The following STAB2 variants were observed in gnomAD, a reference collection of about 807,000 sequenced individuals.
STAB2 encodes stabilin-2.
In STAB2, 288 loss-of-function variants were observed where a neutral mutation model predicts 338.1. The ratio of observed to expected loss-of-function variants is 0.85; its 90% CI spans 0.77 to 0.94. The LOEUF is 0.94. Ranked by LOEUF, STAB2 falls within the 40% of genes least tolerant of loss-of-function variation. The pLI is 0.00. For missense variants in STAB2, 3,141 were observed against 3,210.1 expected (o/e 0.98, Z 0.52); for synonymous variants, 1,202 against 1,193.3 (o/e 1.01, Z -0.15).
chr12:103,600,642 G>A (rs1469614686), intron 3 of STAB2, among the ~76,000 whole-genome samples: 1 of 152,220 alleles, frequency 6.6e-6, no homozygotes, highest in Non-Finnish European at 1.5e-5. Context: ...ATAACAATAA[G>A]TATTCACCTT....
intron 3 of STAB2, among the ~76,000 whole-genome samples, chr12:103,608,375 C>A (rs962932996): frequency 2.0e-5 from 3 of 152,156 alleles, no homozygotes; most frequent in African/African-American, 7.2e-5. Context: ...ATCTCCTGAC[C>A]TCGTGATCCG....
rs748607106 is a variant in STAB2 at position 103,699,183 on chromosome 12, C to T, written c.3670C>T (p.Leu1224=). ...LHNGMHRETM[L]GFSYFLSFFL... ...CAATGGCATGCATCGTGAGACCATG[C>T]TGGGTTTCTCCTATTTCCTTAGCTT... Residue 1224 remains leucine (L), a synonymous_variant, in exon 34 of 69, where the codon CTG becomes TTG. Transcript: ENST00000388887. The T allele has an allele frequency of 2.5e-6, 4 of 1,613,394 alleles. No individual in the cohort carries two copies. The highest frequency in any genetic ancestry group is 1.7e-5 in the Admixed American group (1 of 60,008).
Position 103,653,298 on chromosome 12 carries a change from G to A in STAB2, c.1407+593G>A, listed in dbSNP as rs77375745. Among the ~76,000 whole-genome samples, 1,015 of 152,122 alleles carry A rather than the reference G, an allele frequency of 6.7e-3. 10 individuals are homozygous for A. Among genetic ancestry groups the A allele is most frequent in the African/African-American group, 0.023 (962 of 41,482 alleles). On this transcript the variant is annotated intron_variant, in intron 12 of 68. Coordinates refer to ENST00000388887, the MANE Select transcript of STAB2 (RefSeq NM_017564.10). ...ATACTATTACATTTTACTGAACATC[G>A]ATAGTTAATAGATCCTTGAGTGCTT...
At position 103,762,548 on chromosome 12, in the gene STAB2, C is replaced by T. The variant is rs373377043; in HGVS notation, c.7488+146C>T. 38 of 1,216,108 alleles carry T rather than the reference C, an allele frequency of 3.1e-5. No homozygotes were observed. The African/African-American group carries it at 3.6e-4, about 12-fold the overall frequency. 75.3% of individuals were successfully genotyped at this position (1,216,108 alleles called of 1,614,324 possible). A position where few individuals can be genotyped will look rare whatever the true frequency, so the allele number is the denominator to read the frequency against. On this transcript the variant is annotated intron_variant, in intron 67 of 68. Coordinates refer to ENST00000388887, the MANE Select transcript of STAB2 (RefSeq NM_017564.10). ...GTAGCAGGGGCGGCCACCCACCCCA[C>T]GCTTACTGCTGCTTGGATGGGGTCC... is the stretch of plus-strand genomic sequence containing the variant.
At chr12:103,703,011 T>A in intron 34 of STAB2, 137 bp from the exon 35 acceptor site, 2 of 1,039,010 alleles carry the variant, frequency 1.9e-6, no homozygotes, top group South Asian at 3.8e-5. Flanking sequence ...CTCTTTCCAA[T>A]ACAAGTGACT....
rs1197697199 is a variant in STAB2 at position 103,660,498 on chromosome 12, A to G, written c.1788+114A>G. 5.1e-6 allele frequency: 7 copies of G among 1,382,488 alleles called. No homozygotes were observed. In the African/African-American group the frequency reaches 1.0e-4, roughly 20 times the overall value. 85.6% of individuals were successfully genotyped at this position (1,382,488 alleles called of 1,614,324 possible). On this transcript the variant is annotated intron_variant, in intron 16 of 68. Transcript: ENST00000388887. ...TGTCCTTTATCTGTAGCTCTGAATA[A>G]ACCCTCAGCCATGAACAATGAGTCC...
intron 22 of STAB2, among the ~76,000 whole-genome samples, chr12:103,671,154 T>C (rs963749905): frequency 2.0e-5 from 3 of 152,146 alleles, no homozygotes; most frequent in African/African-American, 7.2e-5. Context: ...GGGCTCTATA[T>C]CAGGAAACAG....
At chr12:103,669,212 C>T (rs1875477449) in intron 20 of STAB2, 2 of 309,102 alleles carry the variant, frequency 6.5e-6, no homozygotes, top group East Asian at 6.7e-5. Context: ...CAGCACTCAC[C>T]GTTCTCTGAA....
chr12:103,638,111 C>A lies in STAB2; in HGVS notation c.805C>A (p.Arg269Ser). Residue 269 changes from arginine to serine, a missense_variant, in exon 8 of 69, where the codon CGT becomes AGT. By Grantham distance (110) the Arg-to-Ser change is moderately radical. Transcript: ENST00000388887. ...RHSCTCQEGY[R>S]GDGQVCLPVD... ...CAGTTGTACATGCCAAGAAGGCTACCGTGGGGATGGCCAAGTGTGCTTGCC... is the reference window on the plus strand; with the variant it reads ...CAGTTGTACATGCCAAGAAGGCTACAGTGGGGATGGCCAAGTGTGCTTGCC... 1 of 1,614,180 alleles carries A rather than the reference C, an allele frequency of 6.2e-7. No homozygotes were observed. Among genetic ancestry groups the A allele is most frequent in the Non-Finnish European group, 8.5e-7 (1 of 1,180,034 alleles).
At chr12:103,651,576 T>G (rs1379260494) in intron 11 of STAB2, among the ~76,000 whole-genome samples, 1 of 106,774 alleles carries the variant, frequency 9.4e-6, no homozygotes, top group Non-Finnish European at 2.2e-5. Flanking sequence ...CCTCCCAAAG[T>G]GCTGAGATTA....
intron 3 of STAB2, among the ~76,000 whole-genome samples, chr12:103,618,657 A>G (rs1170793701): frequency 1.3e-5 from 2 of 152,164 alleles, no homozygotes; most frequent in African/African-American, 2.4e-5. Flanking sequence ...AAGTGTGTCT[A>G]TCATTACCCC....
chr12:103,706,806 T>G lies in STAB2; in HGVS notation c.4011T>G (p.Cys1337Trp), dbSNP rs755755156. 6.2e-7 allele frequency: 1 copy of G among 1,614,268 alleles called. No individual in the cohort carries two copies. The highest frequency in any genetic ancestry group is 8.5e-7 in the Non-Finnish European group (1 of 1,180,052). ...TTCTGTTTCAGACGAGAGAATGCTGTGCCGGCTTCTTTGGCCCCCAATGCC... is the reference window on the plus strand; with the variant it reads ...TTCTGTTTCAGACGAGAGAATGCTGGGCCGGCTTCTTTGGCCCCCAATGCC... Reference protein sequence around the residue: ...CVRTVITRECCAGFFGPQCQP... With the variant: ...CVRTVITRECWAGFFGPQCQP... Residue 1337 changes from cysteine to tryptophan, a missense_variant, in exon 38 of 69, where the codon TGT becomes TGG. By Grantham distance (215) the Cys-to-Trp change is radical (BLOSUM62 -2). Transcript: ENST00000388887.
At chr12:103,675,839 C>G (rs147340751) in intron 23 of STAB2, 89 bp from the exon 24 acceptor site, 8 of 1,020,384 alleles carry the variant, frequency 7.8e-6, no homozygotes, top group Non-Finnish European at 1.0e-5. Context: ...AGCCATTTGG[C>G]CAGGAACTGG....
intron 19 of STAB2, among the ~76,000 whole-genome samples, chr12:103,666,718 G>A (rs1377877434): frequency 1.3e-5 from 2 of 152,184 alleles, no homozygotes; most frequent in Non-Finnish European, 2.9e-5. Context: ...ACTTTTGGGT[G>A]GTACTGGCAT....
chr12:103,731,729 T>A, intron 50 of STAB2, 94 bp downstream of exon 50: 1 of 1,314,148 alleles, frequency 7.6e-7, no homozygotes, highest in Non-Finnish European at 1.1e-6. Context: ...GTTTTGACAT[T>A]GGCCAGCTGT....
intron 6 of STAB2, among the ~76,000 whole-genome samples, chr12:103,633,601 G>A (rs1957499031): frequency 1.3e-5 from 2 of 152,312 alleles, no homozygotes; most frequent in Admixed American, 6.5e-5. Context: ...AGAATCGCTC[G>A]AACCCGGGAG....
rs183663723 is a variant in STAB2, at chr12:103,622,231, A to G, written c.487+120A>G. 1.5e-5 allele frequency: 15 copies of G among 1,033,094 alleles called. No homozygotes were observed. The Admixed American group carries it at 3.3e-4, about 23-fold the overall frequency. The allele number at this position is 1,033,094 out of a possible 1,614,324, so 64.0% of individuals were successfully genotyped here. A position where few individuals can be genotyped will look rare whatever the true frequency, so the allele number is the denominator to read the frequency against. The stretch of plus-strand genomic sequence containing the variant: ...GTGATAAAAAAGAAATTTCAGCAGA[A>G]TTAAATTTAAAGGAGTTTAATCGGG... On this transcript the variant is annotated intron_variant, in intron 5 of 68. Transcript: ENST00000388887.
intron 25 of STAB2, among the ~76,000 whole-genome samples, chr12:103,682,520 T>C (rs1037275399): frequency 6.6e-6 from 1 of 152,220 alleles, no homozygotes; most frequent in African/African-American, 2.4e-5. Context: ...AATGGCCTCA[T>C]GCATGCATCT....
intron 7 of STAB2, among the ~76,000 whole-genome samples, chr12:103,637,658 T>C (rs1021215987): frequency 6.6e-6 from 1 of 152,212 alleles, no homozygotes; most frequent in Non-Finnish European, 1.5e-5. Flanking sequence ...GAAATGGGGA[T>C]AATAATGGTA....
Sources: allele counts gnomAD v4.1 joint callset (sites outside exome capture counted in the v4.1 genomes callset), GRCh38; gene constraint gnomAD v4.1.1; transcripts MANE v1.5; gene names NCBI Gene and HGNC (gene_info 2026-07-23, HGNC 2026-07-21).